Variants in PPP6R2 observed in about 807,000 individuals in gnomAD.
PPP6R2 encodes serine/threonine-protein phosphatase 6 regulatory subunit 2.
A neutral mutation model predicts 100.2 loss-of-function variants in PPP6R2; 62 were observed. The observed-to-expected ratio is 0.62, with a 90% CI of 0.50 to 0.76. The LOEUF (loss-of-function observed/expected upper bound fraction) is 0.76. Among genes scored for constraint, PPP6R2 ranks in the 30% least tolerant of loss-of-function variants. The pLI is 0.00. For synonymous variants in PPP6R2, 525 were observed against 514.7 expected (o/e 1.02, Z -0.27); for missense variants, 1,142 against 1,276.3 (o/e 0.89, Z 1.60).
At chr22:50,352,544 G>A (rs1555961956) in intron 1 of PPP6R2, among the ~76,000 whole-genome samples, 1 of 151,696 alleles carries the variant, frequency 6.6e-6, no homozygotes, top group Non-Finnish European at 1.5e-5. Context: ...GGCCAACATG[G>A]TGAAACCCCA....
At chr22:50,343,150 T>G (rs763699182), upstream of PPP6R2, among the ~76,000 whole-genome samples, 7 of 151,834 alleles carry the variant, frequency 4.6e-5, no homozygotes, top group Non-Finnish European at 1.0e-4. Flanking sequence ...AAGGCAGCAG[T>G]CAGCACACCC....
In PPP6R2 at chr22:50,444,389, C is replaced by T; in HGVS notation, c.*142C>T. ...GCATTGGTAAAGCTGGCAGTTGAAA[C>T]CAGTTGGACGGCCCAGCTTGCGTCT... On this transcript the variant is annotated 3_prime_UTR_variant, in exon 24 of 24. Transcript: ENST00000612753. The T allele has an allele frequency of 8.8e-7, 1 of 1,137,476 alleles. No homozygotes were observed. Among genetic ancestry groups the T allele is most frequent in the East Asian group, 2.6e-5 (1 of 38,464 alleles). The allele number at this position is 1,137,476 out of a possible 1,614,324, so 70.5% of individuals were successfully genotyped here.
In PPP6R2 at chr22:50,404,499, T is replaced by C. The variant is rs897241205; in HGVS notation, c.228-2190T>C. 4.6e-5 allele frequency among the ~76,000 whole-genome samples: 7 copies of C among 152,058 alleles called. No individual in the cohort carries two copies. The East Asian group carries it at 9.7e-4, about 21-fold the overall frequency. On this transcript the variant is annotated intron_variant, in intron 3 of 23. Transcript: ENST00000612753. ...TCTGCCTCCCGGGCTCAAGCCATCC[T>C]GCGCCTCCCGGGCTCAAGCCATCCT...
chr22:50,354,923 A>C (rs566258545), intron 1 of PPP6R2, among the ~76,000 whole-genome samples: 1 of 141,460 alleles, frequency 7.1e-6, no homozygotes, highest in Non-Finnish European at 1.5e-5. Context: ...GGTTGAGTGC[A>C]GTGGCACAGT....
intron 4 of PPP6R2, among the ~76,000 whole-genome samples, chr22:50,413,670 A>ACCCCCCCCC (rs138644041): frequency 1.4e-5 from 2 of 144,826 alleles, no homozygotes; most frequent in African/African-American, 5.2e-5. Flanking sequence ...CTCCTCCCCT[A>ACCCCCCCCC]CCCCCTCCTC....
At chr22:50,339,147 T>A (rs1569218688), upstream of PPP6R2, among the ~76,000 whole-genome samples, 2 of 137,930 alleles carry the variant, frequency 1.5e-5, no homozygotes, top group Admixed American at 1.4e-4. Context: ...TGGTTTGTGG[T>A]GTGTGTGTGG....
chr22:50,406,776 C>G lies in PPP6R2; in HGVS notation c.315C>G (p.Leu105=), dbSNP rs759430979. 2 of 1,614,020 alleles carry G rather than the reference C, an allele frequency of 1.2e-6. No individual in the cohort carries two copies. Among genetic ancestry groups the G allele is most frequent in the Non-Finnish European group, 1.7e-6 (2 of 1,179,996 alleles). ...GTGGGGACGAGAGCCTGCTGAGCCT[C>G]CTGTACGACTTCTTGGACCATGAGC... The part of the protein sequence containing the change: ...RLGGDESLLS[L]LYDFLDHEPP... The change falls in exon 4 of 24, where the codon CTC becomes CTG. Residue 105 remains leucine, a synonymous_variant. Coordinates refer to ENST00000612753, the MANE Select transcript of PPP6R2 (RefSeq NM_001242898.2).
At chr22:50,421,862 T>A (rs1196331166) in intron 8 of PPP6R2, among the ~76,000 whole-genome samples, 1 of 152,046 alleles carries the variant, frequency 6.6e-6, no homozygotes, top group East Asian at 1.9e-4. Flanking sequence ...AGCGAGACTC[T>A]GGCTCAAAAA....
upstream of PPP6R2, among the ~76,000 whole-genome samples, chr22:50,342,172 C>T (rs1193131647): frequency 3.3e-5 from 5 of 152,220 alleles, no homozygotes; most frequent in Non-Finnish European, 5.9e-5. Flanking sequence ...ACCTCCCGCT[C>T]CTGCAAAGGA....
At position 50,373,478 on chromosome 22, in the gene PPP6R2, C is replaced by T. The variant is rs185009881; in HGVS notation, c.-17+1328C>T. Among the ~76,000 whole-genome samples, 1,214 of 150,520 alleles carry T rather than the reference C, an allele frequency of 8.1e-3. 22 individuals are homozygous for T. The highest frequency in any genetic ancestry group is 0.028 in the African/African-American group (1,167 of 41,024). On this transcript the variant is annotated intron_variant, in intron 2 of 23. Transcript: ENST00000612753. ...CAGGATGGTCTCGATCTCCTGACCTCGTGATCCGCCCGCCTCGGCCTCCCA... is the reference window on the plus strand; with the variant it reads ...CAGGATGGTCTCGATCTCCTGACCTTGTGATCCGCCCGCCTCGGCCTCCCA...
At chr22:50,347,459 C>T (rs561263019) in intron 1 of PPP6R2, among the ~76,000 whole-genome samples, 3 of 152,252 alleles carry the variant, frequency 2.0e-5, no homozygotes, top group Admixed American at 1.3e-4. Context: ...CACCTTACCC[C>T]GCACTGCCCT....
intron 2 of PPP6R2, among the ~76,000 whole-genome samples, chr22:50,374,685 G>A (rs1233255819): frequency 1.3e-5 from 2 of 152,096 alleles, no homozygotes; most frequent in Non-Finnish European, 2.9e-5. Flanking sequence ...GGAGGCCAAG[G>A]TGGGCGGATC....
chr22:50,390,295 A>G (rs2055204169), intron 2 of PPP6R2, among the ~76,000 whole-genome samples: 1 of 152,088 alleles, frequency 6.6e-6, no homozygotes, highest in African/African-American at 2.4e-5. Context: ...CCCAGCCCAT[A>G]TGCCGTTTTT....
At chr22:50,384,730 TC>T (rs1186438785) in intron 2 of PPP6R2, among the ~76,000 whole-genome samples, 1 of 151,744 alleles carries the variant, frequency 6.6e-6, no homozygotes, top group Non-Finnish European at 1.5e-5. Flanking sequence ...AGGTCTTTCT[TC>T]CTTTTTTTTT....
rs552222561 is a variant in PPP6R2 at position 50,364,357 on chromosome 22, G to A, written c.-147-7663G>A. On this transcript the variant is annotated intron_variant, in intron 1 of 23. Coordinates refer to ENST00000612753, the MANE Select transcript of PPP6R2 (RefSeq NM_001242898.2). ...ATAAGTCATAAAATAATGAAATTACGGATACTGCAAGTTAGTGATTGTCTC... is the reference window on the plus strand; with the variant it reads ...ATAAGTCATAAAATAATGAAATTACAGATACTGCAAGTTAGTGATTGTCTC... 1.2e-3 allele frequency among the ~76,000 whole-genome samples: 182 copies of A among 152,172 alleles called. 1 individual carries two copies. Among genetic ancestry groups the A allele is most frequent in the African/African-American group, 3.6e-3 (151 of 41,520 alleles).
intron 1 of PPP6R2, among the ~76,000 whole-genome samples, chr22:50,366,110 A>G (rs1325755154): frequency 6.6e-6 from 1 of 152,040 alleles, no homozygotes; most frequent in East Asian, 1.9e-4. Flanking sequence ...ATTACTTGGA[A>G]ACAGTTTGAT....
At position 50,423,614 on chromosome 22, in the gene PPP6R2, G is replaced by A; in HGVS notation, c.1125G>A (p.Leu375=). 1 of 1,614,020 alleles carries A rather than the reference G, an allele frequency of 6.2e-7. No homozygotes were observed. Among genetic ancestry groups the A allele is most frequent in the South Asian group, 1.1e-5 (1 of 91,082 alleles). ...LCRLNTMDLL[L]DLFFKYTWNN... ...GGCTCAACACGATGGACTTACTGCT[G>A]GTAAGTGGGCCCCTCAGCCAGCCCT... is the stretch of plus-strand genomic sequence containing the variant. The change falls in exon 10 of 24, where the codon CTG becomes CTA. Residue 375 remains leucine (L), a splice_region_variant and synonymous_variant. Coordinates refer to ENST00000612753, the MANE Select transcript of PPP6R2 (RefSeq NM_001242898.2). This position sits in a 1 kb window ranked among gnomAD's most constrained non-coding sequence, Gnocchi z 4.8.
At chr22:50,407,720 G>T (rs1337808103) in intron 4 of PPP6R2, among the ~76,000 whole-genome samples, 3 of 152,182 alleles carry the variant, frequency 2.0e-5, no homozygotes, top group African/African-American at 7.2e-5. Context: ...CCAGGCTGTG[G>T]ACACACAGGT....
chr22:50,392,136 C>T (rs1428290028), intron 2 of PPP6R2: 2 of 151,810 alleles, frequency 1.3e-5, no homozygotes, highest in East Asian at 1.9e-4. Flanking sequence ...TGAAGTTTGC[C>T]GCTACCACTC....
Sources: gnomAD v4.1 joint callset for allele counts (sites outside exome capture counted in the v4.1 genomes callset) on GRCh38, gnomAD v4.1.1 for gene constraint, Gnocchi (gnomAD v3.1) non-coding constraint, MANE v1.5 for transcripts, NCBI Gene and HGNC (gene_info 2026-07-23, HGNC 2026-07-21) for gene names.